DNASE1: variants seen among roughly 807,000 people sequenced by gnomAD.
DNASE1 encodes deoxyribonuclease-1.
Under a neutral mutation model 33.9 loss-of-function variants are expected in DNASE1, and 40 were observed. The observed-to-expected ratio is 1.18, with a 90% CI of 0.92 to 1.54. DNASE1 has a LOEUF of 1.54. Among genes scored for constraint, DNASE1 ranks in the 40% most tolerant of loss-of-function variants. The pLI is 0.00. For synonymous variants in DNASE1, 216 were observed against 160.0 expected (o/e 1.35, Z -2.64); for missense variants, 518 against 372.6 (o/e 1.39, Z -3.21).
Position 3,657,751 on chromosome 16 carries a change from G to C in DNASE1, c.736G>C (p.Ala246Pro), listed in dbSNP as rs8176939. ...GGTTGCAGGGATGCTGCTCCGAGGC[G>C]CCGTTGTTCCCGACTCGGCTCTTCC... is the stretch of plus-strand genomic sequence containing the variant. ...IVVAGMLLRG[A>P]VVPDSALPFN... The change falls in exon 8 of 9, where the codon GCC becomes CCC. Residue 246 changes from alanine (A) to proline (P), a missense_variant. Transcript: ENST00000246949. 1.9e-6 allele frequency: 3 copies of C among 1,613,856 alleles called. No homozygotes were observed. The highest frequency in any genetic ancestry group is 2.5e-6 in the Non-Finnish European group (3 of 1,179,936).
chr16:3,626,357 A>C (rs947493571), intron 1 of DNASE1, among the ~76,000 whole-genome samples: 15 of 152,232 alleles, frequency 9.9e-5, no homozygotes, highest in African/African-American at 3.6e-4. Context: ...ACTGCTAGAC[A>C]ATAGCTAGTG....
chr16:3,626,459 G>C (rs2041514289), intron 1 of DNASE1, among the ~76,000 whole-genome samples: 1 of 152,092 alleles, frequency 6.6e-6, no homozygotes, highest in Non-Finnish European at 1.5e-5. Context: ...TCTGTTACTG[G>C]TTTCTAGTTT....
upstream of DNASE1, chr16:3,653,268 G>A (rs1345884115): frequency 6.6e-6 from 1 of 152,196 alleles, no homozygotes; most frequent in South Asian, 2.1e-4. Flanking sequence ...GAGCCTCCAG[G>A]AGGCGCAAGG....
At chr16:3,658,861 C>G, downstream of DNASE1, 4 of 1,614,066 alleles carry the variant, frequency 2.5e-6, no homozygotes, top group Non-Finnish European at 3.4e-6. Context: ...TTGATGAGCG[C>G]GTGCCTGCAA....
Position 3,656,177 on chromosome 16 carries a change from C to G in DNASE1, c.312C>G (p.Phe104Leu). Residue 104 changes from phenylalanine to leucine, a missense_variant, in exon 4 of 9, where the codon TTC becomes TTG. Physicochemically the swap from Phe to Leu is conservative, Grantham distance 22 (BLOSUM62 0). Transcript: ENST00000246949. The stretch of plus-strand genomic sequence containing the variant: ...ACAGCTATAAGGAGCGCTACCTGTT[C>G]GTGTACAGGTGGGTGGTCTAGAAAG... Reference protein sequence around the residue: ...GRNSYKERYLFVYRPDQVSAV... With the variant: ...GRNSYKERYLLVYRPDQVSAV... 6.2e-7 allele frequency: 1 copy of G among 1,614,022 alleles called. No homozygotes were observed. Among genetic ancestry groups the G allele is most frequent in the Non-Finnish European group, 8.5e-7 (1 of 1,179,988 alleles).
chr16:3,654,336 C>T, upstream of DNASE1: 3 of 398,766 alleles, frequency 7.5e-6, no homozygotes, highest in East Asian at 1.1e-4. Context: ...CTGCAGGCCC[C>T]CACCACTGCT....
upstream of DNASE1, among the ~76,000 whole-genome samples, chr16:3,638,359 G>A (rs936419530): frequency 1.3e-5 from 2 of 151,646 alleles, no homozygotes; most frequent in South Asian, 2.1e-4. Flanking sequence ...TTTTTTTGAG[G>A]CGGAGTCTCG....
upstream of DNASE1, among the ~76,000 whole-genome samples, chr16:3,638,812 CTTAT>C (rs1423041271): frequency 1.3e-5 from 2 of 152,156 alleles, no homozygotes; most frequent in South Asian, 2.1e-4. Flanking sequence ...TTCTCTCTGC[CTTAT>C]TTGAGTAGTT....
chr16:3,644,410 A>T (rs1335451549), intron 1 of DNASE1, among the ~76,000 whole-genome samples: 1 of 152,150 alleles, frequency 6.6e-6, no homozygotes, highest in African/African-American at 2.4e-5. Flanking sequence ...TAAAAATACA[A>T]AAATTAGCCA....
intron 1 of DNASE1, among the ~76,000 whole-genome samples, chr16:3,621,933 C>A (rs947647872): frequency 2.0e-5 from 3 of 152,018 alleles, no homozygotes; most frequent in African/African-American, 7.2e-5. Context: ...CTAAAGAAGC[C>A]AAATTGGCCA....
At chr16:3,655,797 G>T in intron 2 of DNASE1, 52 bp from the exon 3 acceptor site, 1 of 1,601,878 alleles carries the variant, frequency 6.2e-7, no homozygotes, top group South Asian at 1.1e-5. Flanking sequence ...GGCGCTGTAG[G>T]GTCCCTGGGT....
chr16:3,635,136 T>G (rs2041828886), intron 1 of DNASE1, among the ~76,000 whole-genome samples: 3 of 152,106 alleles, frequency 2.0e-5, no homozygotes, highest in Admixed American at 2.0e-4. Flanking sequence ...GTTATTACCT[T>G]GAACAAACTG....
chr16:3,637,059 G>A (rs907534460), intron 1 of DNASE1, among the ~76,000 whole-genome samples: 2 of 152,126 alleles, frequency 1.3e-5, no homozygotes, highest in African/African-American at 4.8e-5. Context: ...AGGAGGCAGA[G>A]GTTGCAGTCA....
chr16:3,629,103 C>T (rs1302491084), intron 1 of DNASE1, among the ~76,000 whole-genome samples: 3 of 139,630 alleles, frequency 2.1e-5, no homozygotes, highest in Non-Finnish European at 4.5e-5. Flanking sequence ...ACCCTGGAGG[C>T]GGAGGTTGCA....
At chr16:3,639,009 T>A (rs368948739), upstream of DNASE1, among the ~76,000 whole-genome samples, 1 of 152,226 alleles carries the variant, frequency 6.6e-6, no homozygotes, top group Non-Finnish European at 1.5e-5. Flanking sequence ...TTCTTAAATA[T>A]ATGCCGAACT....
intron 1 of DNASE1, among the ~76,000 whole-genome samples, chr16:3,612,317 C>T (rs531234528): frequency 1.3e-5 from 2 of 152,166 alleles, no homozygotes; most frequent in Admixed American, 6.5e-5. Context: ...GTGGCGCGAT[C>T]TCGGCTCACT....
At chr16:3,646,340 A>T (rs1364680324) in intron 1 of DNASE1, among the ~76,000 whole-genome samples, 1 of 152,116 alleles carries the variant, frequency 6.6e-6, no homozygotes, top group Admixed American at 6.5e-5. Context: ...AAGAAAGACC[A>T]CTACTTTCTT....
chr16:3,623,543 C>T (rs1036603590), intron 1 of DNASE1, among the ~76,000 whole-genome samples: 1 of 152,052 alleles, frequency 6.6e-6, no homozygotes, highest in African/African-American at 2.4e-5. Context: ...AATAGACAAC[C>T]TATAGAATGG....
chr16:3,637,364 T>C (rs561640909), intron 1 of DNASE1, among the ~76,000 whole-genome samples: 12 of 152,300 alleles, frequency 7.9e-5, no homozygotes, highest in African/African-American at 2.6e-4. Flanking sequence ...AGGAGCCCTA[T>C]TTATGTGGTG....
Sources: gnomAD v4.1 joint callset for allele counts (sites outside exome capture counted in the v4.1 genomes callset) on GRCh38, gnomAD v4.1.1 for gene constraint, MANE v1.5 for transcripts, NCBI Gene and HGNC (gene_info 2026-07-23, HGNC 2026-07-21) for gene names.